The following KANK1 variants were observed in gnomAD, a reference collection of about 807,000 sequenced individuals.
KANK1 encodes the protein KN motif and ankyrin repeat domains 1.
KANK1 carries 109 observed loss-of-function variants against 106.2 expected under a neutral mutation model. The ratio of observed to expected loss-of-function variants is 1.03; its 90% CI spans 0.88 to 1.20. The LOEUF is 1.20. Ranked by LOEUF, KANK1 falls within the 50% of genes most tolerant of loss-of-function variation. The pLI, the probability that KANK1 is intolerant of heterozygous loss-of-function variation, is 0.00. For missense variants in KANK1, 2,399 were observed against 1,710.7 expected, an observed-to-expected ratio of 1.40 and a Z score of -7.10; for synonymous variants, 873 against 652.2, an observed-to-expected ratio of 1.34 and a Z score of -5.16.
At chr9:573,427 G>T (rs960193269) in intron 1 of KANK1, among the ~76,000 whole-genome samples, 1 of 152,036 alleles carries the variant, frequency 6.6e-6, no homozygotes. Flanking sequence ...CCGCCACCAC[G>T]CGTGGCTAAT....
chr9:616,666 A>G (rs1385862821), intron 1 of KANK1, among the ~76,000 whole-genome samples: 1 of 152,084 alleles, frequency 6.6e-6, no homozygotes, highest in East Asian at 1.9e-4. Flanking sequence ...AAGACCCCAA[A>G]TCTCAGTGGC....
chr9:602,007 G>T (rs916655024), intron 1 of KANK1, among the ~76,000 whole-genome samples: 2 of 151,910 alleles, frequency 1.3e-5, no homozygotes, highest in Middle Eastern at 3.4e-3. Flanking sequence ...TCTGAAACTC[G>T]TTTTTAACAC....
intron 3 of KANK1, among the ~76,000 whole-genome samples, chr9:475,910 C>T (rs543262908): frequency 6.3e-4 from 96 of 151,868 alleles, no homozygotes; most frequent in Non-Finnish European, 1.2e-3. Flanking sequence ...TGGAGTGTAG[C>T]GTCGCCATCT....
At chr9:540,023 T>C (rs571525679) in intron 1 of KANK1, among the ~76,000 whole-genome samples, 2 of 152,318 alleles carry the variant, frequency 1.3e-5, no homozygotes, top group Non-Finnish European at 2.9e-5. Context: ...TTTTGATGTA[T>C]TTTATTTTTC....
chr9:593,059 C>G (rs1825359338), intron 1 of KANK1, among the ~76,000 whole-genome samples: 1 of 151,880 alleles, frequency 6.6e-6, no homozygotes, highest in South Asian at 2.1e-4. Flanking sequence ...ATATCTAATG[C>G]TAGTAGACAA....
chr9:512,074 T>G (rs2132860882), intron 1 of KANK1, among the ~76,000 whole-genome samples: 1 of 152,304 alleles, frequency 6.6e-6, no homozygotes, highest in South Asian at 2.1e-4. Flanking sequence ...CAATGACTGT[T>G]GAGCAGAGCA....
At chr9:618,565 C>G (rs746305212) in intron 1 of KANK1, among the ~76,000 whole-genome samples, 1 of 151,976 alleles carries the variant, frequency 6.6e-6, no homozygotes, top group African/African-American at 2.4e-5. Context: ...AAATACTTAT[C>G]GGAACAATTT....
intron 1 of KANK1, among the ~76,000 whole-genome samples, chr9:629,033 C>A (rs1477050914): frequency 6.7e-6 from 1 of 148,918 alleles, no homozygotes; most frequent in African/African-American, 2.5e-5. Flanking sequence ...GAGCCAAGAT[C>A]ATGCCACCGC....
At position 677,211 on chromosome 9, in the gene KANK1, C is replaced by G. The variant is rs16922407; in HGVS notation, c.37+202C>G. ...TTATCTTAGAGTCTTGCACTGAAAT[C>G]AATTGAGTAAATTATTACCTAAGTC... On this transcript the variant is annotated intron_variant, in intron 2 of 11. Coordinates refer to ENST00000382297, the MANE Select transcript of KANK1 (RefSeq NM_015158.5). Among the ~76,000 whole-genome samples, 805 of 152,278 alleles carry G rather than the reference C, an allele frequency of 5.3e-3. 4 individuals carry two copies. The highest frequency in any genetic ancestry group is 0.018 in the African/African-American group (754 of 41,542).
intron 1 of KANK1, among the ~76,000 whole-genome samples, chr9:578,329 CTGTGTG>C (rs33959144): frequency 2.0e-5 from 3 of 149,804 alleles, no homozygotes; most frequent in South Asian, 2.1e-4. Flanking sequence ...TATTTTTCAA[CTGTGTG>C]TGTGTGTGTG....
intron 1 of KANK1, among the ~76,000 whole-genome samples, chr9:639,517 A>G (rs998965553): frequency 5.3e-5 from 8 of 151,868 alleles, no homozygotes; most frequent in African/African-American, 1.7e-4. Flanking sequence ...GGGTTTCACC[A>G]TGTTGGCCAG....
At chr9:690,584 C>T (rs1368482548) in intron 2 of KANK1, among the ~76,000 whole-genome samples, 1 of 151,562 alleles carries the variant, frequency 6.6e-6, no homozygotes, top group Non-Finnish European at 1.5e-5. Flanking sequence ...AAGATGAGGG[C>T]AGGGAACATT....
chr9:712,480 A>C lies in KANK1; in HGVS notation c.1714A>C (p.Lys572Gln). 1 of 1,614,138 alleles carries C rather than the reference A, an allele frequency of 6.2e-7. No individual in the cohort carries two copies. Among genetic ancestry groups the C allele is most frequent in the South Asian group, 1.1e-5 (1 of 91,074 alleles). ...PELPMNWWIV[K>Q]ERVEMHDRCA... The stretch of plus-strand genomic sequence containing the variant: ...GCTGCCTATGAATTGGTGGATTGTT[A>C]AGGAGAGGGTGGAAATGCATGACCG... The change falls in exon 3 of 12, where the codon AAG becomes CAG. Residue 572 changes from lysine (K) to glutamine (Q), a missense_variant. By Grantham distance (53) the Lys-to-Gln change is moderately conservative (BLOSUM62 1). Transcript: ENST00000382297.
intron 2 of KANK1, among the ~76,000 whole-genome samples, 171 bp from the exon 3 acceptor site, chr9:710,630 CAAA>C (rs1190499924): frequency 1.7e-5 from 1 of 57,784 alleles, no homozygotes; most frequent in Admixed American, 1.7e-4. Flanking sequence ...AAAAAAAAAA[CAAA>C]AAAAAACAAA....
chr9:528,468 AC>A (rs2059905417), intron 1 of KANK1, among the ~76,000 whole-genome samples: 15 of 117,262 alleles, frequency 1.3e-4, no homozygotes, highest in South Asian at 2.7e-4. Context: ...TTAAAAAATA[AC>A]TTTTTTTTTT....
chr9:606,675 A>C (rs180746227), intron 1 of KANK1, among the ~76,000 whole-genome samples: 276 of 150,846 alleles, frequency 1.8e-3, no homozygotes, highest in Non-Finnish European at 2.5e-3. Flanking sequence ...TAAAAGATGC[A>C]GTATGTCAGT....
chr9:680,180 C>T (rs551319751), intron 2 of KANK1, among the ~76,000 whole-genome samples: 3 of 152,200 alleles, frequency 2.0e-5, no homozygotes, highest in South Asian at 2.1e-4. Flanking sequence ...TTTCATGTGA[C>T]GATGGAGTCA....
intron 1 of KANK1, among the ~76,000 whole-genome samples, chr9:550,414 T>C (rs2061206896): frequency 6.6e-6 from 1 of 152,182 alleles, no homozygotes; most frequent in Non-Finnish European, 1.5e-5. Context: ...ACAGTATATT[T>C]CTTTGAGCTA....
intron 3 of KANK1, among the ~76,000 whole-genome samples, chr9:484,935 CA>C (rs60286162): frequency 1.4e-4 from 20 of 144,272 alleles, no homozygotes; most frequent in Non-Finnish European, 1.7e-4. Context: ...ATGGAGAATG[CA>C]AAAAAAAAAA....
Sources: allele counts gnomAD v4.1 joint callset (sites outside exome capture counted in the v4.1 genomes callset), GRCh38; gene constraint gnomAD v4.1.1; transcripts MANE v1.5; gene names NCBI Gene and HGNC (gene_info 2026-07-23, HGNC 2026-07-21).